ADAMTS18: variants seen among roughly 807,000 people sequenced by gnomAD.
The protein encoded by ADAMTS18 is A disintegrin and metalloproteinase with thrombospondin motifs 18.
A neutral mutation model predicts 165.9 loss-of-function variants in ADAMTS18; 157 were observed. That is an observed-to-expected ratio of 0.95 (90% CI 0.83 to 1.08). ADAMTS18 has a LOEUF of 1.08. Ranked by LOEUF, ADAMTS18 falls within the 50% of genes least tolerant of loss-of-function variation. The probability of loss-of-function intolerance (pLI) is 0.00; values close to 1 mark genes in which losing one functional copy is unlikely to be tolerated. For synonymous variants in ADAMTS18, 782 were observed against 578.2 expected (o/e 1.35, Z -5.06); for missense variants, 2,040 against 1,534.0 (o/e 1.33, Z -5.51).
intron 8 of ADAMTS18, among the ~76,000 whole-genome samples, chr16:77,357,455 C>T (rs1208514072): frequency 6.6e-6 from 1 of 152,120 alleles, no homozygotes; most frequent in African/African-American, 2.4e-5. Flanking sequence ...TCTCACCTAA[C>T]CAAGACGTTA....
chr16:77,365,037 C>T (rs906832431), intron 4 of ADAMTS18, among the ~76,000 whole-genome samples: 1 of 152,078 alleles, frequency 6.6e-6, no homozygotes, highest in African/African-American at 2.4e-5. Flanking sequence ...ACCCAGCAGG[C>T]AGAAGTTGCA....
At chr16:77,326,606 C>T (rs2056099806) in intron 12 of ADAMTS18, among the ~76,000 whole-genome samples, 1 of 152,200 alleles carries the variant, frequency 6.6e-6, no homozygotes, top group African/African-American at 2.4e-5. Flanking sequence ...CAGTCTCAAA[C>T]TCCTCGGTTC....
In ADAMTS18 at chr16:77,297,437, C is replaced by G. The variant is rs774046267; in HGVS notation, c.2675-22G>C. ...TAACCTGGTAAGACATCAGAAGTGACAAAGTGAAAATTACAGATTATTATT... is the reference window on the plus strand; with the variant it reads ...TAACCTGGTAAGACATCAGAAGTGAGAAAGTGAAAATTACAGATTATTATT... On this transcript the variant is annotated intron_variant, in intron 17 of 22. Coordinates refer to ENST00000282849, the MANE Select transcript of ADAMTS18 (RefSeq NM_199355.4). 14 of 1,605,202 alleles carry G rather than the reference C, an allele frequency of 8.7e-6. No individual in the cohort carries two copies. In the Admixed American group the frequency reaches 1.7e-4, roughly 19 times the overall value.
At chr16:77,382,403 G>C (rs2057044729) in intron 3 of ADAMTS18, among the ~76,000 whole-genome samples, 1 of 152,100 alleles carries the variant, frequency 6.6e-6, no homozygotes, top group Non-Finnish European at 1.5e-5. Flanking sequence ...GTAGAGACGG[G>C]GTTTCACCGT....
chr16:77,398,308 C>T (rs928806898), intron 3 of ADAMTS18, among the ~76,000 whole-genome samples: 6 of 150,990 alleles, frequency 4.0e-5, no homozygotes, highest in Admixed American at 3.3e-4. Context: ...CAGAGAGACA[C>T]TCTGTCTCAA....
chr16:77,401,865 C>T (rs1394563320), intron 3 of ADAMTS18, among the ~76,000 whole-genome samples: 1 of 152,226 alleles, frequency 6.6e-6, no homozygotes. Context: ...AGGACATCCA[C>T]ACTCCAGGTT....
At chr16:77,287,104 C>G (rs995543005) in intron 22 of ADAMTS18, among the ~76,000 whole-genome samples, 1 of 152,056 alleles carries the variant, frequency 6.6e-6, no homozygotes, top group Non-Finnish European at 1.5e-5. Context: ...GTTTAAGTGA[C>G]TACAATGGGT....
At chr16:77,375,512 G>T (rs537440658) in intron 3 of ADAMTS18, among the ~76,000 whole-genome samples, 2 of 152,306 alleles carry the variant, frequency 1.3e-5, no homozygotes, top group East Asian at 1.9e-4. Context: ...GGCATTTCTT[G>T]TGAGACCGGA....
At chr16:77,364,573 T>C (rs376688382) in intron 4 of ADAMTS18, among the ~76,000 whole-genome samples, 192 bp from the exon 5 acceptor site, 11 of 145,186 alleles carry the variant, frequency 7.6e-5, no homozygotes, top group African/African-American at 2.6e-4. Flanking sequence ...GCCTACTCAA[T>C]AAATGTTTGG....
chr16:77,375,889 C>CTTTT, intron 3 of ADAMTS18, among the ~76,000 whole-genome samples: 1 of 113,262 alleles, frequency 8.8e-6, no homozygotes, highest in Non-Finnish European at 1.8e-5. Context: ...TTCTTTCTTT[C>CTTTT]CTTTTTTTTT....
At chr16:77,407,855 T>C (rs1425491379) in intron 3 of ADAMTS18, among the ~76,000 whole-genome samples, 2 of 152,060 alleles carry the variant, frequency 1.3e-5, no homozygotes, top group African/African-American at 4.8e-5. Context: ...TTGGAAAATA[T>C]TTTCATGATC....
chr16:77,388,794 T>A (rs994998036), intron 3 of ADAMTS18, among the ~76,000 whole-genome samples: 6 of 152,214 alleles, frequency 3.9e-5, no homozygotes, highest in African/African-American at 1.4e-4. Flanking sequence ...AAACCTTGTA[T>A]ATTCTGGTCC....
intron 14 of ADAMTS18, among the ~76,000 whole-genome samples, chr16:77,322,134 G>T (rs887277253): frequency 7.6e-5 from 10 of 131,758 alleles, no homozygotes; most frequent in African/African-American, 2.9e-4. Context: ...CAGCCTGGGT[G>T]ACAGAGTGAA....
intron 3 of ADAMTS18, among the ~76,000 whole-genome samples, chr16:77,385,949 G>T (rs1487891366): frequency 6.6e-6 from 1 of 152,230 alleles, no homozygotes; most frequent in African/African-American, 2.4e-5. Context: ...AAGGAAATGG[G>T]ATCTGGGGAG....
chr16:77,361,010 T>C (rs61300686), intron 7 of ADAMTS18, among the ~76,000 whole-genome samples: 3,031 of 152,160 alleles, frequency 0.02, 113 homozygotes, highest in African/African-American at 0.07. Context: ...CACTTGAACA[T>C]GGGAGGCAGA....
intron 3 of ADAMTS18, among the ~76,000 whole-genome samples, chr16:77,384,662 T>C (rs376458504): frequency 1.3e-5 from 2 of 152,186 alleles, no homozygotes; most frequent in South Asian, 2.1e-4. Context: ...GCATTTCTAC[T>C]GCCTGTAGCA....
Position 77,322,397 on chromosome 16 carries a change from ACTTTGCC to A in ADAMTS18, c.2095_2101del (p.Gly699Ter), listed in dbSNP as rs759896988. 1 of 1,613,952 alleles carries A rather than the reference ACTTTGCC, an allele frequency of 6.2e-7. No individual in the cohort carries two copies. Among genetic ancestry groups the A allele is most frequent in the East Asian group, 2.2e-5 (1 of 44,858 alleles). The stretch of plus-strand genomic sequence containing the variant: ...TGGGGAGCAGGGAGTTCCATCTTTC[ACTTTGCC>A]GGACATTGCAAAAAAAAATTCAAAG... On this transcript the variant is annotated frameshift_variant, in exon 14 of 23. Coordinates refer to ENST00000282849, the MANE Select transcript of ADAMTS18 (RefSeq NM_199355.4). LOFTEE classifies it high-confidence loss of function.
rs1463649560 is a variant in ADAMTS18, at chr16:77,334,814, GTATATATAC to G, written c.1859+933_1859+941del. ...AATATACTATATACTATAGTATACA[GTATATATAC>G]TATATACTATAGTATACAGTATATA... is the stretch of plus-strand genomic sequence containing the variant. On this transcript the variant is annotated intron_variant, in intron 12 of 22. Coordinates refer to ENST00000282849, the MANE Select transcript of ADAMTS18 (RefSeq NM_199355.4). Among the ~76,000 whole-genome samples the G allele has an allele frequency of 1.3e-4, 15 of 118,800 alleles. No individual in the cohort carries two copies. The East Asian group carries it at 2.4e-3, about 19-fold the overall frequency. The allele number at this position is 118,800 out of a possible 152,430, so 77.9% of individuals were successfully genotyped here.
At chr16:77,290,795 T>A (rs1488756942) in intron 21 of ADAMTS18, 1 of 173,560 alleles carries the variant, frequency 5.8e-6, no homozygotes, top group East Asian at 1.5e-4. Flanking sequence ...CATTCTGAGC[T>A]TTAGGGACCA....
Sources: allele counts gnomAD v4.1 joint callset (sites outside exome capture counted in the v4.1 genomes callset), GRCh38; gene constraint gnomAD v4.1.1; transcripts MANE v1.5; gene names NCBI Gene and HGNC (gene_info 2026-07-23, HGNC 2026-07-21).